The following COG5 variants were observed in gnomAD, a reference collection of about 807,000 sequenced individuals.
COG5 encodes conserved oligomeric Golgi complex subunit 5.
A neutral mutation model predicts 110.4 loss-of-function variants in COG5; 86 were observed. The observed-to-expected ratio is 0.78, with a 90% CI of 0.65 to 0.93. COG5 has a LOEUF of 0.93. COG5 is among the 40% of genes least tolerant of loss of function. The pLI is 0.00. For missense variants in COG5, 1,077 were observed against 987.0 expected, an observed-to-expected ratio of 1.09 and a Z score of -1.22; for synonymous variants, 360 against 334.6, an observed-to-expected ratio of 1.08 and a Z score of -0.83.
intron 19 of COG5, among the ~76,000 whole-genome samples, chr7:107,215,644 G>A (rs190091827): frequency 6.6e-6 from 1 of 152,174 alleles, no homozygotes; most frequent in Admixed American, 6.5e-5. Flanking sequence ...CAGCCTGGGT[G>A]ACAGAGTGAG....
At chr7:107,513,970 G>A (rs949978618) in intron 6 of COG5, among the ~76,000 whole-genome samples, 1 of 151,884 alleles carries the variant, frequency 6.6e-6, no homozygotes, top group Non-Finnish European at 1.5e-5. Flanking sequence ...AATGGGTGCA[G>A]CACACCAACA....
chr7:107,558,279 T>C (rs1308412860), intron 1 of COG5, among the ~76,000 whole-genome samples, 164 bp from the exon 2 acceptor site: 16 of 152,112 alleles, frequency 1.1e-4, no homozygotes, highest in Admixed American at 6.5e-5. Context: ...CTAAAGGAAG[T>C]ATAACATTGA....
chr7:107,307,773 G>A (rs1441933991), intron 11 of COG5, among the ~76,000 whole-genome samples: 2 of 151,774 alleles, frequency 1.3e-5, no homozygotes, highest in Non-Finnish European at 2.9e-5. Flanking sequence ...AGAAGGGTGG[G>A]AGTGGGGTGA....
chr7:107,275,412 A>G (rs982954495), intron 14 of COG5, among the ~76,000 whole-genome samples: 14 of 152,008 alleles, frequency 9.2e-5, no homozygotes, highest in Non-Finnish European at 1.8e-4. Context: ...GTTTGCACAT[A>G]ATATAAAAAC....
At chr7:107,492,660 C>A (rs114315937) in intron 6 of COG5, among the ~76,000 whole-genome samples, 17 of 152,202 alleles carry the variant, frequency 1.1e-4, no homozygotes, top group African/African-American at 4.1e-4. Flanking sequence ...TCAAAGCCAA[C>A]AATGGCAAAT....
chr7:107,508,327 G>C (rs1172100325), intron 6 of COG5, among the ~76,000 whole-genome samples: 2 of 152,364 alleles, frequency 1.3e-5, no homozygotes, highest in Non-Finnish European at 1.5e-5. Context: ...CAGCAAGGCT[G>C]GGGGAGGGGC....
At chr7:107,300,221 A>G (rs1356473351) in intron 11 of COG5, among the ~76,000 whole-genome samples, 1 of 152,154 alleles carries the variant, frequency 6.6e-6, no homozygotes, top group East Asian at 1.9e-4. Flanking sequence ...AACTACAGCT[A>G]ATATAATACT....
At chr7:107,501,529 A>T (rs1455650917) in intron 6 of COG5, among the ~76,000 whole-genome samples, 4 of 152,130 alleles carry the variant, frequency 2.6e-5, no homozygotes, top group Non-Finnish European at 5.9e-5. Flanking sequence ...GTTTACAGTA[A>T]AAGAGCTCCT....
intron 14 of COG5, among the ~76,000 whole-genome samples, chr7:107,263,379 T>C (rs1291700644): frequency 6.6e-6 from 1 of 152,176 alleles, no homozygotes; most frequent in Non-Finnish European, 1.5e-5. Context: ...GGTGCAAAAA[T>C]ACAGCTTTGG....
At chr7:107,217,744 C>T (rs1239488121) in intron 19 of COG5, among the ~76,000 whole-genome samples, 1 of 152,056 alleles carries the variant, frequency 6.6e-6, no homozygotes, top group Admixed American at 6.5e-5. Flanking sequence ...GATAAGCCTA[C>T]AGCTAACATT....
At chr7:107,561,890 G>A (rs1204695806) in intron 1 of COG5, among the ~76,000 whole-genome samples, 2 of 152,062 alleles carry the variant, frequency 1.3e-5, no homozygotes, top group African/African-American at 4.8e-5. Flanking sequence ...CCAGGAGAAT[G>A]GCGTGAACCC....
chr7:107,337,945 C>T (rs1320687323), intron 10 of COG5, among the ~76,000 whole-genome samples: 1 of 151,996 alleles, frequency 6.6e-6, no homozygotes, highest in Non-Finnish European at 1.5e-5. Context: ...TTTTTAAAAA[C>T]AGGATCAAAA....
chr7:107,205,439 A>C (rs1222409002), intron 21 of COG5, among the ~76,000 whole-genome samples: 1 of 152,178 alleles, frequency 6.6e-6, no homozygotes, highest in Admixed American at 6.5e-5. Context: ...TGTGTTACCA[A>C]GTAATGTGCA....
intron 6 of COG5, among the ~76,000 whole-genome samples, chr7:107,489,623 G>A (rs1319535251): frequency 6.6e-6 from 1 of 152,108 alleles, no homozygotes; most frequent in African/African-American, 2.4e-5. Context: ...TAGTGAGGAA[G>A]AAAACTCACA....
At chr7:107,332,981 A>G (rs1810400976) in intron 10 of COG5, among the ~76,000 whole-genome samples, 1 of 152,188 alleles carries the variant, frequency 6.6e-6, no homozygotes, top group African/African-American at 2.4e-5. Context: ...AGGATAAGCA[A>G]TACAATTTTT....
intron 7 of COG5, among the ~76,000 whole-genome samples, chr7:107,410,295 G>C (rs1048984134): frequency 3.3e-5 from 5 of 152,124 alleles, no homozygotes; most frequent in African/African-American, 9.7e-5. Flanking sequence ...TCAGTTAGGT[G>C]AATAGTTGAA....
At chr7:107,349,158 T>A (rs1371929669) in intron 10 of COG5, among the ~76,000 whole-genome samples, 1 of 152,230 alleles carries the variant, frequency 6.6e-6, no homozygotes, top group Non-Finnish European at 1.5e-5. Flanking sequence ...CATTACCAAT[T>A]TACAGAAGTA....
At chr7:107,368,707 C>CT (rs1813851138) in intron 8 of COG5, among the ~76,000 whole-genome samples, 1 of 152,256 alleles carries the variant, frequency 6.6e-6, no homozygotes, top group South Asian at 2.1e-4. Flanking sequence ...ACTACAGTAT[C>CT]TATCTGGGTG....
chr7:107,515,872 G>A (rs1027441673), intron 6 of COG5, among the ~76,000 whole-genome samples: 34 of 152,296 alleles, frequency 2.2e-4, no homozygotes, highest in African/African-American at 7.9e-4. Context: ...GCCAGAAAGA[G>A]TAAGAAAGAG....
Sources: allele counts gnomAD v4.1 joint callset (sites outside exome capture counted in the v4.1 genomes callset), GRCh38; gene constraint gnomAD v4.1.1; transcripts MANE v1.5; gene names NCBI Gene and HGNC (gene_info 2026-07-23, HGNC 2026-07-21).